Variants in MIPOL1 observed in about 807,000 individuals in gnomAD.
MIPOL1 encodes mirror-image polydactyly 1, also known as mirror-image polydactyly gene 1 protein.
MIPOL1 carries 57 observed loss-of-function variants against 60.9 expected under a neutral mutation model. The observed-to-expected ratio is 0.94, with a 90% CI of 0.76 to 1.17. MIPOL1 has a LOEUF of 1.17. MIPOL1 is among the 50% of genes most tolerant of loss of function. The pLI, the probability that MIPOL1 is intolerant of heterozygous loss-of-function variation, is 0.00. For missense variants in MIPOL1, 551 were observed against 511.6 expected, an observed-to-expected ratio of 1.08 and a Z score of -0.74; for synonymous variants, 179 against 168.8, an observed-to-expected ratio of 1.06 and a Z score of -0.47.
At chr14:37,425,679 C>T (rs1459620080) in intron 11 of MIPOL1, among the ~76,000 whole-genome samples, 1 of 152,078 alleles carries the variant, frequency 6.6e-6, no homozygotes, top group Non-Finnish European at 1.5e-5. Context: ...TGTTATTGAT[C>T]AACCAATGTT....
intron 1 of MIPOL1, among the ~76,000 whole-genome samples, chr14:37,203,037 C>T (rs1391512282): frequency 3.3e-5 from 5 of 152,088 alleles, no homozygotes; most frequent in Non-Finnish European, 2.9e-5. Flanking sequence ...CTTCACGTAC[C>T]ATCTAGAGAT....
At chr14:37,291,398 A>G (rs1049037789) in intron 7 of MIPOL1, among the ~76,000 whole-genome samples, 8 of 152,078 alleles carry the variant, frequency 5.3e-5, no homozygotes, top group Non-Finnish European at 1.2e-4. Context: ...GGTAATACCA[A>G]TTGTCATTGT....
chr14:37,440,916 A>G (rs1289811758), intron 11 of MIPOL1, among the ~76,000 whole-genome samples: 1 of 152,126 alleles, frequency 6.6e-6, no homozygotes, highest in African/African-American at 2.4e-5. Flanking sequence ...CCAATTCACC[A>G]ACATGTTATT....
chr14:37,212,717 C>T (rs565576033), intron 1 of MIPOL1, among the ~76,000 whole-genome samples: 1 of 152,110 alleles, frequency 6.6e-6, no homozygotes. Context: ...GGGTCTTGAG[C>T]GAACGTAGGC....
intron 10 of MIPOL1, among the ~76,000 whole-genome samples, chr14:37,372,642 C>G (rs944436062): frequency 1.3e-5 from 2 of 151,790 alleles, no homozygotes; most frequent in Non-Finnish European, 2.9e-5. Flanking sequence ...GTAATCCTAG[C>G]TACTCAGGAG....
chr14:37,309,165 A>C (rs1451651659), intron 9 of MIPOL1, among the ~76,000 whole-genome samples: 1 of 151,034 alleles, frequency 6.6e-6, no homozygotes, highest in African/African-American at 2.4e-5. Context: ...ATTTGGTATC[A>C]CCTTGTTTCC....
At chr14:37,421,310 A>G (rs924141394) in intron 10 of MIPOL1, among the ~76,000 whole-genome samples, 1 of 152,136 alleles carries the variant, frequency 6.6e-6, no homozygotes, top group African/African-American at 2.4e-5. Context: ...GCACTGGCAC[A>G]TATTTATTTA....
chr14:37,428,191 T>C (rs531679686), intron 11 of MIPOL1, among the ~76,000 whole-genome samples: 1 of 152,192 alleles, frequency 6.6e-6, no homozygotes, highest in Non-Finnish European at 1.5e-5. Context: ...AAACTTCAAG[T>C]CTGACTCTCA....
chr14:37,264,970 T>C (rs1285047894), intron 3 of MIPOL1, among the ~76,000 whole-genome samples: 1 of 152,178 alleles, frequency 6.6e-6, no homozygotes, highest in Non-Finnish European at 1.5e-5. Flanking sequence ...ACTCCAAGTA[T>C]GTTCACTTTT....
Position 37,270,383 on chromosome 14 carries a change from C to G in MIPOL1, c.388-37C>G, listed in dbSNP as rs183466649. 1.6e-4 allele frequency: 185 copies of G among 1,121,318 alleles called. No individual in the cohort carries two copies. In the African/African-American group the frequency reaches 2.9e-3, roughly 18 times the overall value. The allele number at this position is 1,121,318 out of a possible 1,614,324, so 69.5% of individuals were successfully genotyped here. Reference sequence around the variant, plus strand: ...AATTATATTTTTGCAAGACATTTGTCAAATAAGAATCCATGATTTTTTTCA... The same window carrying G: ...AATTATATTTTTGCAAGACATTTGTGAAATAAGAATCCATGATTTTTTTCA... On this transcript the variant is annotated intron_variant, in intron 5 of 12. Coordinates refer to ENST00000684589, the MANE Select transcript of MIPOL1 (RefSeq NM_001388067.1).
At chr14:37,478,753 C>CG (rs985084620) in intron 11 of MIPOL1, among the ~76,000 whole-genome samples, 3 of 151,774 alleles carry the variant, frequency 2.0e-5, no homozygotes, top group East Asian at 1.9e-4. Flanking sequence ...CAAAAGATAG[C>CG]GGGGGTAGCT....
intron 9 of MIPOL1, among the ~76,000 whole-genome samples, chr14:37,356,787 A>G (rs1325042649): frequency 3.3e-5 from 5 of 152,146 alleles, no homozygotes; most frequent in Admixed American, 1.3e-4. Context: ...GCGCGAACCC[A>G]CTGACCTGCG....
intron 11 of MIPOL1, among the ~76,000 whole-genome samples, chr14:37,466,939 G>T (rs2094605600): frequency 6.6e-6 from 1 of 152,180 alleles, no homozygotes. Context: ...ATTAAAAAAG[G>T]CATATAATCA....
At chr14:37,390,061 T>C (rs2093192155) in intron 10 of MIPOL1, among the ~76,000 whole-genome samples, 1 of 151,540 alleles carries the variant, frequency 6.6e-6, no homozygotes, top group Non-Finnish European at 1.5e-5. Context: ...TATGTATATA[T>C]ACAAAAAATT....
In MIPOL1 at chr14:37,408,793, TGCAG is replaced by T. The variant is rs1434464330; in HGVS notation, c.937-14060_937-14057del. ...TTCCTACCGTGTGGCAGGCAGATACTGCAGGGACCCTCCTGTTGCTAAACTGCTA... is the reference window on the plus strand; with the variant it reads ...TTCCTACCGTGTGGCAGGCAGATACTGGACCCTCCTGTTGCTAAACTGCTA... On this transcript the variant is annotated intron_variant, in intron 10 of 12. Coordinates refer to ENST00000684589, the MANE Select transcript of MIPOL1 (RefSeq NM_001388067.1). 2.6e-5 allele frequency among the ~76,000 whole-genome samples: 4 copies of T among 152,218 alleles called. No homozygotes were observed. In the East Asian group the frequency reaches 7.7e-4, roughly 29 times the overall value.
rs373963286 is a variant in MIPOL1, at chr14:37,542,008, C to T, written c.1263-4897C>T. On this transcript the variant is annotated intron_variant, in intron 12 of 12. Coordinates refer to ENST00000684589, the MANE Select transcript of MIPOL1 (RefSeq NM_001388067.1). ...CCCCTTGTAACTACAGTTCTCTTTA[C>T]ATCCTAACCAAGCTCTTATAAAGCA... 2.6e-3 allele frequency among the ~76,000 whole-genome samples: 402 copies of T among 152,308 alleles called. 2 individuals are homozygous for T. The highest frequency in any genetic ancestry group is 9.2e-3 in the African/African-American group (384 of 41,572).
chr14:37,254,728 G>A (rs990403019), intron 3 of MIPOL1, among the ~76,000 whole-genome samples: 1 of 151,558 alleles, frequency 6.6e-6, no homozygotes, highest in African/African-American at 2.4e-5. Flanking sequence ...TTTTAAATCA[G>A]TTCACACTGT....
At chr14:37,476,855 C>T (rs2094782479) in intron 11 of MIPOL1, among the ~76,000 whole-genome samples, 1 of 133,608 alleles carries the variant, frequency 7.5e-6, no homozygotes. Flanking sequence ...GTTTTTGTAT[C>T]TATGTTTACT....
chr14:37,230,534 A>G (rs1970460654), intron 1 of MIPOL1, among the ~76,000 whole-genome samples: 1 of 152,186 alleles, frequency 6.6e-6, no homozygotes, highest in Non-Finnish European at 1.5e-5. Flanking sequence ...TTCCTTGGAG[A>G]AATCAGCTGC....
Sources: allele counts gnomAD v4.1 joint callset (sites outside exome capture counted in the v4.1 genomes callset), GRCh38; gene constraint gnomAD v4.1.1; transcripts MANE v1.5; gene names NCBI Gene and HGNC (gene_info 2026-07-23, HGNC 2026-07-21).